SPARCL1: variants seen among roughly 807,000 people sequenced by gnomAD.
SPARCL1 encodes the protein SPARC like 1, also known as SPARC-like protein 1.
Under a neutral mutation model 67.1 loss-of-function variants are expected in SPARCL1, and 52 were observed. The ratio of observed to expected loss-of-function variants is 0.78; its 90% CI spans 0.62 to 0.98. SPARCL1 has a LOEUF of 0.98. SPARCL1 is among the 50% of genes least tolerant of loss of function. SPARCL1 has a pLI of 0.00. For missense variants in SPARCL1, 717 were observed against 782.4 expected (o/e 0.92, Z 1.00); for synonymous variants, 226 against 267.8 (o/e 0.84, Z 1.52).
chr4:87,509,005 T>C (rs1162848433), intron 1 of SPARCL1, among the ~76,000 whole-genome samples: 1 of 148,084 alleles, frequency 6.8e-6, no homozygotes, highest in East Asian at 1.9e-4. Context: ...ACATATATAA[T>C]CTATATACTT....
chr4:87,486,797 C>T (rs1724076224), intron 7 of SPARCL1, among the ~76,000 whole-genome samples: 3 of 148,392 alleles, frequency 2.0e-5, no homozygotes, highest in African/African-American at 7.5e-5. Context: ...TTGCATTTAT[C>T]TCTTTACCAT....
intron 1 of SPARCL1, among the ~76,000 whole-genome samples, chr4:87,526,795 T>G (rs1726063280): frequency 6.6e-6 from 1 of 152,240 alleles, no homozygotes; most frequent in Admixed American, 6.5e-5. Flanking sequence ...TAGGGACATA[T>G]AGTTAGTCCA....
In SPARCL1 at chr4:87,508,851, A is replaced by G. The variant is rs1265261367; in HGVS notation, c.-11-9266T>C. ...ATATGTATGTAATGTAGATACGTAT[A>G]TAGATAAATATATACATATATAGAT... On this transcript the variant is annotated intron_variant, in intron 1 of 10. Transcript: ENST00000282470. Among the ~76,000 whole-genome samples, 9 of 143,534 alleles carry G rather than the reference A, an allele frequency of 6.3e-5. No individual in the cohort carries two copies. In the East Asian group the frequency reaches 1.8e-3, roughly 29 times the overall value. The allele number at this position is 143,534 out of a possible 152,430, so 94.2% of individuals were successfully genotyped here. A position where few individuals can be genotyped will look rare whatever the true frequency, so the allele number is the denominator to read the frequency against.
intron 7 of SPARCL1, among the ~76,000 whole-genome samples, chr4:87,483,895 T>G (rs1578095806): frequency 6.6e-6 from 1 of 152,240 alleles, no homozygotes; most frequent in South Asian, 2.1e-4. Context: ...TTTTGAGAAG[T>G]GTCTGTTCAT....
chr4:87,508,196 G>C (rs1283948889), intron 1 of SPARCL1, among the ~76,000 whole-genome samples: 1 of 150,362 alleles, frequency 6.7e-6, no homozygotes, highest in Admixed American at 6.7e-5. Flanking sequence ...AGGCCCATCT[G>C]TTCAGATTCT....
At chr4:87,476,557 A>G (rs1464165507) in intron 10 of SPARCL1, among the ~76,000 whole-genome samples, 1 of 152,108 alleles carries the variant, frequency 6.6e-6, no homozygotes, top group Non-Finnish European at 1.5e-5. Flanking sequence ...TCTTAGGATA[A>G]TGTCTTTAAA....
At chr4:87,520,876 G>C (rs1725783139) in intron 1 of SPARCL1, among the ~76,000 whole-genome samples, 1 of 152,206 alleles carries the variant, frequency 6.6e-6, no homozygotes, top group African/African-American at 2.4e-5. Flanking sequence ...CTGATGAAAA[G>C]CTATGTGTGT....
At chr4:87,518,270 G>A (rs1026898850) in intron 1 of SPARCL1, among the ~76,000 whole-genome samples, 1 of 152,174 alleles carries the variant, frequency 6.6e-6, no homozygotes, top group Non-Finnish European at 1.5e-5. Context: ...GTCCACAGCT[G>A]TTAATTCTTC....
intron 10 of SPARCL1, among the ~76,000 whole-genome samples, chr4:87,477,750 T>C (rs1723638724): frequency 6.6e-6 from 1 of 152,118 alleles, no homozygotes; most frequent in Non-Finnish European, 1.5e-5. Flanking sequence ...GACCACAACC[T>C]AATGAGAGAT....
Position 87,498,681 on chromosome 4 carries a change from T to G in SPARCL1, c.54+840A>C, listed in dbSNP as rs1319814289. 2.6e-5 allele frequency among the ~76,000 whole-genome samples: 4 copies of G among 152,186 alleles called. No homozygotes were observed. The East Asian group carries it at 7.7e-4, about 29-fold the overall frequency. On this transcript the variant is annotated intron_variant, in intron 2 of 10. Transcript: ENST00000282470. ...TATCTGACCATGAAGAAGAGAATAT[T>G]CTAGCCCTGCCTACTTTCAGCATAC...
chr4:87,526,394 A>T (rs1416358084), intron 1 of SPARCL1, among the ~76,000 whole-genome samples: 1 of 152,240 alleles, frequency 6.6e-6, no homozygotes, highest in East Asian at 1.9e-4. Flanking sequence ...GGCCTCACTG[A>T]TATACGAGAT....
In SPARCL1 at chr4:87,495,604, C is replaced by T. The variant is rs531553298; in HGVS notation, c.55-477G>A. On this transcript the variant is annotated intron_variant, in intron 2 of 10. Coordinates refer to ENST00000282470, the MANE Select transcript of SPARCL1 (RefSeq NM_004684.6). ...TATCAATATTTATTTGATTTCTTAA[C>T]GCCATTGGCCTTAACGTTGGTCAGG... is the stretch of plus-strand genomic sequence containing the variant. Among the ~76,000 whole-genome samples the T allele has an allele frequency of 2.5e-4, 38 of 152,026 alleles. 1 individual carries two copies. The highest frequency in any genetic ancestry group is 3.8e-4 in the Non-Finnish European group (26 of 68,024).
At chr4:87,508,274 G>A (rs1024601438) in intron 1 of SPARCL1, among the ~76,000 whole-genome samples, 17 of 151,870 alleles carry the variant, frequency 1.1e-4, no homozygotes, top group Admixed American at 2.6e-4. Context: ...GTGCAGTGGC[G>A]TGATTTTGAC....
chr4:87,521,185 T>G (rs2110265139), intron 1 of SPARCL1, among the ~76,000 whole-genome samples: 1 of 152,234 alleles, frequency 6.6e-6, no homozygotes, highest in East Asian at 1.9e-4. Flanking sequence ...TTTAGAACAT[T>G]AATTTACATT....
intron 1 of SPARCL1, among the ~76,000 whole-genome samples, chr4:87,519,156 C>T (rs553886218): frequency 1.1e-4 from 16 of 152,014 alleles, no homozygotes; most frequent in African/African-American, 2.4e-4. Flanking sequence ...CTGCAACCTC[C>T]GCCTCCCGGG....
At chr4:87,503,018 T>C (rs902788956) in intron 1 of SPARCL1, among the ~76,000 whole-genome samples, 1 of 152,212 alleles carries the variant, frequency 6.6e-6, no homozygotes, top group African/African-American at 2.4e-5. Context: ...AGACTGGAGT[T>C]CTCTCAGTGC....
Position 87,493,836 on chromosome 4 carries a change from T to C in SPARCL1, c.964A>G (p.Met322Val), listed in dbSNP as rs1724474993. The change falls in exon 4 of 11, where the codon ATG becomes GTG. Residue 322 changes from methionine to valine, a missense_variant. Coordinates refer to ENST00000282470, the MANE Select transcript of SPARCL1 (RefSeq NM_004684.6). ...EEKTVSEALL[M>V]EPTDDGNTTP... ...GTATTACCATCATCAGTAGGTTCCA[T>C]GAGCAGAGCCTCAGAAACAGTCTTT... is the stretch of plus-strand genomic sequence containing the variant. 1 of 1,614,178 alleles carries C rather than the reference T, an allele frequency of 6.2e-7. No individual in the cohort carries two copies. Among genetic ancestry groups the C allele is most frequent in the Admixed American group, 1.7e-5 (1 of 60,018 alleles).
intron 1 of SPARCL1, among the ~76,000 whole-genome samples, chr4:87,505,724 GTTT>G (rs1553970443): frequency 1.4e-5 from 2 of 141,112 alleles, no homozygotes; most frequent in African/African-American, 2.6e-5. Flanking sequence ...TCAGCTAATT[GTTT>G]TTTTTTTTTT....
At chr4:87,500,404 T>C (rs1053139916) in intron 1 of SPARCL1, among the ~76,000 whole-genome samples, 1 of 152,222 alleles carries the variant, frequency 6.6e-6, no homozygotes, top group Non-Finnish European at 1.5e-5. Context: ...AGATGAACTC[T>C]GGGTCTAAGG....
Sources: gnomAD v4.1 joint callset for allele counts (sites outside exome capture counted in the v4.1 genomes callset) on GRCh38, gnomAD v4.1.1 for gene constraint, MANE v1.5 for transcripts, NCBI Gene and HGNC (gene_info 2026-07-23, HGNC 2026-07-21) for gene names.